Variants in TMEM132B observed in about 807,000 individuals in gnomAD.
TMEM132B encodes transmembrane protein 132B.
TMEM132B carries 18 observed loss-of-function variants against 90.8 expected under a neutral mutation model. The observed-to-expected ratio is 0.20, with a 90% CI of 0.14 to 0.29. The LOEUF is 0.29. TMEM132B is among the 10% of genes least tolerant of loss of function. The pLI is 1.00. For synonymous variants in TMEM132B, 504 were observed against 523.3 expected (o/e 0.96, Z 0.50); for missense variants, 1,096 against 1,326.8 (o/e 0.83, Z 2.70).
chr12:125,580,940 T>A (rs1885041570), intron 4 of TMEM132B, among the ~76,000 whole-genome samples: 1 of 152,212 alleles, frequency 6.6e-6, no homozygotes, highest in Admixed American at 6.5e-5. Context: ...TTCAATGTAA[T>A]ATTTACCATG....
chr12:125,624,745 T>A lies in TMEM132B; in HGVS notation c.1438-19331T>A, dbSNP rs140807762. 9.8e-3 allele frequency among the ~76,000 whole-genome samples: 1,498 copies of A among 152,304 alleles called. 17 individuals carry two copies. The highest frequency in any genetic ancestry group is 0.032 in the African/African-American group (1,332 of 41,548). ...ACTAGAGTCCAGGGTTTGTGTGCGGTCCTTTTTGTCTTCAGCCATATCTGG... is the reference window on the plus strand; with the variant it reads ...ACTAGAGTCCAGGGTTTGTGTGCGGACCTTTTTGTCTTCAGCCATATCTGG... On this transcript the variant is annotated intron_variant, in intron 5 of 8. Transcript: ENST00000682704.
chr12:125,453,077 A>G (rs1881197925), intron 3 of TMEM132B, among the ~76,000 whole-genome samples: 3 of 51,256 alleles, frequency 5.9e-5, no homozygotes, highest in Non-Finnish European at 1.3e-4. Flanking sequence ...TTTCAGTAAA[A>G]CACACACACA....
intron 1 of TMEM132B, among the ~76,000 whole-genome samples, chr12:125,231,525 G>A (rs117727716): frequency 0.041 from 6,239 of 152,194 alleles, 141 homozygotes; most frequent in Non-Finnish European, 0.049. Flanking sequence ...CTTAATAGAA[G>A]CGATGTGAAT....
intron 1 of TMEM132B, among the ~76,000 whole-genome samples, chr12:125,207,508 C>A (rs964884349): frequency 6.6e-6 from 1 of 152,184 alleles, no homozygotes; most frequent in African/African-American, 2.4e-5. Flanking sequence ...TATCCGCCAG[C>A]CACATGTTGA....
In TMEM132B at chr12:125,406,122, T is replaced by C. The variant is rs1879467309; in HGVS notation, c.960-9409T>C. ...TTAACTCAAACGTTAGTAGATATGC[T>C]TAACTAGATCTTTTTGCTAGTGAAT... On this transcript the variant is annotated intron_variant, in intron 2 of 8. Transcript: ENST00000682704. The surrounding 1 kb of genome is among the most constrained non-coding windows in gnomAD (Gnocchi z 8.3). Among the ~76,000 whole-genome samples the C allele has an allele frequency of 6.6e-6, 1 of 152,240 alleles. No individual in the cohort carries two copies. Among genetic ancestry groups the C allele is most frequent in the South Asian group, 2.1e-4 (1 of 4,834 alleles).
intron 3 of TMEM132B, among the ~76,000 whole-genome samples, chr12:125,466,312 A>G (rs1423566603): frequency 6.6e-6 from 1 of 152,186 alleles, no homozygotes; most frequent in Non-Finnish European, 1.5e-5. Flanking sequence ...GGCCACTGGC[A>G]TTTAATAAAA....
At chr12:125,320,071 G>GGA (rs1876387918) in intron 1 of TMEM132B, among the ~76,000 whole-genome samples, 1 of 152,100 alleles carries the variant, frequency 6.6e-6, no homozygotes, top group African/African-American at 2.4e-5. Context: ...TTTTCTACAA[G>GGA]GACTGGCCTC....
At chr12:125,334,222 A>T (rs1876881850) in intron 1 of TMEM132B, among the ~76,000 whole-genome samples, 1 of 152,214 alleles carries the variant, frequency 6.6e-6, no homozygotes, top group Admixed American at 6.5e-5. Context: ...ATTAACACAT[A>T]TGCAGAATCG....
intron 1 of TMEM132B, among the ~76,000 whole-genome samples, chr12:125,231,097 G>A (rs1308326229): frequency 6.6e-6 from 1 of 152,192 alleles, no homozygotes; most frequent in East Asian, 1.9e-4. Flanking sequence ...CTCTAGGGGA[G>A]GCTCCTTCCT....
At chr12:125,426,380 TG>T (rs1880320802) in intron 3 of TMEM132B, among the ~76,000 whole-genome samples, 1 of 152,182 alleles carries the variant, frequency 6.6e-6, no homozygotes, top group African/African-American at 2.4e-5. Flanking sequence ...ACATTTTGAG[TG>T]GTGATGCCAG....
rs1881388688 is a variant in TMEM132B at position 125,459,798 on chromosome 12, G to A, written c.1106+44121G>A. Among the ~76,000 whole-genome samples the A allele has an allele frequency of 6.6e-6, 1 of 152,196 alleles. No individual in the cohort carries two copies. On this transcript the variant is annotated intron_variant, in intron 3 of 8. Coordinates refer to ENST00000682704, the MANE Select transcript of TMEM132B (RefSeq NM_001366854.1). The surrounding 1 kb of genome is among the most constrained non-coding windows in gnomAD (Gnocchi z 4.1). ...CTCCCATAATTCCCATGTGTTATGG[G>A]AGGGACCTGGTGGGAGATAATTGAA...
chr12:125,557,908 A>T (rs1225726654), intron 4 of TMEM132B, among the ~76,000 whole-genome samples: 1 of 152,230 alleles, frequency 6.6e-6, no homozygotes, highest in South Asian at 2.1e-4. Context: ...GGAGATGGTT[A>T]GAGTTAGAGA....
At chr12:125,286,776 T>C (rs1328058845) in intron 1 of TMEM132B, among the ~76,000 whole-genome samples, 1 of 151,992 alleles carries the variant, frequency 6.6e-6, no homozygotes, top group Non-Finnish European at 1.5e-5. Context: ...CAATCTTGGC[T>C]CACTGCAACC....
At chr12:125,361,833 T>C (rs1225867015) in intron 2 of TMEM132B, among the ~76,000 whole-genome samples, 1 of 152,214 alleles carries the variant, frequency 6.6e-6, no homozygotes, top group East Asian at 1.9e-4. Context: ...TGGTAAGAAG[T>C]AAGTGTAAAT....
chr12:125,351,447 G>A (rs1458306461), intron 2 of TMEM132B, among the ~76,000 whole-genome samples: 1 of 152,230 alleles, frequency 6.6e-6, no homozygotes, highest in East Asian at 1.9e-4. Context: ...TTAAGGATGA[G>A]TGGAATACGG....
chr12:125,479,673 A>C (rs575489180), intron 3 of TMEM132B, among the ~76,000 whole-genome samples: 1 of 152,322 alleles, frequency 6.6e-6, no homozygotes, highest in Admixed American at 6.5e-5. Flanking sequence ...GGAGACTTTA[A>C]CACCCCACTG....
At chr12:125,329,244 G>A (rs528556641) in intron 1 of TMEM132B, among the ~76,000 whole-genome samples, 10 of 152,302 alleles carry the variant, frequency 6.6e-5, no homozygotes, top group East Asian at 1.9e-4. Flanking sequence ...ATCTGCTGGC[G>A]CCTTGATCTT....
At chr12:125,579,244 G>A (rs1480630251) in intron 4 of TMEM132B, among the ~76,000 whole-genome samples, 3 of 151,930 alleles carry the variant, frequency 2.0e-5, no homozygotes, top group African/African-American at 7.3e-5. Context: ...AGCCCCATGA[G>A]TGAATTTTCC....
intron 1 of TMEM132B, among the ~76,000 whole-genome samples, chr12:125,271,336 C>G (rs1041261588): frequency 6.6e-6 from 1 of 152,056 alleles, no homozygotes; most frequent in African/African-American, 2.4e-5. Flanking sequence ...ATGGCAGACT[C>G]TAGCACACCG....
Sources: gnomAD v4.1 joint callset for allele counts (sites outside exome capture counted in the v4.1 genomes callset) on GRCh38, gnomAD v4.1.1 for gene constraint, Gnocchi (gnomAD v3.1) non-coding constraint, MANE v1.5 for transcripts, NCBI Gene and HGNC (gene_info 2026-07-23, HGNC 2026-07-21) for gene names.